Variants in WDPCP observed in about 807,000 individuals in gnomAD.
The protein encoded by WDPCP is WD repeat-containing and planar cell polarity effector protein fritz homolog.
Under a neutral mutation model 93.1 loss-of-function variants are expected in WDPCP, and 71 were observed. The ratio of observed to expected loss-of-function variants is 0.76; its 90% CI spans 0.63 to 0.93. WDPCP has a LOEUF of 0.93. WDPCP is among the 40% of genes least tolerant of loss of function. The pLI, the probability that WDPCP is intolerant of heterozygous loss-of-function variation, is 0.00. For missense variants in WDPCP, 844 were observed against 887.4 expected, an observed-to-expected ratio of 0.95 and a Z score of 0.62; for synonymous variants, 315 against 315.0, an observed-to-expected ratio of 1.00 and a Z score of 0.00.
At chr2:63,638,185 C>G (rs1709940859) in intron 3 of WDPCP, among the ~76,000 whole-genome samples, 1 of 152,096 alleles carries the variant, frequency 6.6e-6, no homozygotes, top group Non-Finnish European at 1.5e-5. Flanking sequence ...GGGTGCAAAC[C>G]TTCAGTAATA....
chr2:63,160,792 G>T (rs980058425), intron 15 of WDPCP, among the ~76,000 whole-genome samples: 1 of 152,126 alleles, frequency 6.6e-6, no homozygotes, highest in African/African-American at 2.4e-5. Flanking sequence ...AAAACATCAG[G>T]TGAAAGGTTG....
chr2:63,624,733 C>A (rs1307850476), intron 3 of WDPCP, among the ~76,000 whole-genome samples: 1 of 152,158 alleles, frequency 6.6e-6, no homozygotes, highest in Admixed American at 6.5e-5. Context: ...GGATTCACAG[C>A]CGAATTCTAC....
chr2:63,448,714 C>T (rs1698030182), intron 6 of WDPCP, among the ~76,000 whole-genome samples: 1 of 152,128 alleles, frequency 6.6e-6, no homozygotes. Context: ...TTTGTGAGAA[C>T]ATGGATGAAC....
At chr2:63,590,462 C>T (rs1254944646), upstream of WDPCP, 1 of 152,182 alleles carries the variant, frequency 6.6e-6, no homozygotes, top group Admixed American at 6.5e-5. Flanking sequence ...TCCCTGAAAA[C>T]TTATTTTTAC....
intron 9 of WDPCP, 40 bp downstream of exon 9, chr2:63,433,705 T>C (rs1458505125): frequency 2.0e-6 from 3 of 1,489,874 alleles, no homozygotes; most frequent in East Asian, 4.8e-5. Flanking sequence ...TCTATTTTAT[T>C]TACACTTTAT....
At chr2:63,235,598 G>C (rs187399725) in intron 14 of WDPCP, among the ~76,000 whole-genome samples, 3 of 151,816 alleles carry the variant, frequency 2.0e-5, no homozygotes, top group Non-Finnish European at 4.4e-5. Context: ...AAAAATCCTC[G>C]ACAAAATTCT....
At chr2:63,340,317 A>C (rs1688747195) in intron 12 of WDPCP, among the ~76,000 whole-genome samples, 1 of 152,138 alleles carries the variant, frequency 6.6e-6, no homozygotes, top group African/African-American at 2.4e-5. Context: ...GCTGGCAAGG[A>C]GTTCCTGTCC....
At position 63,437,495 on chromosome 2, in the gene WDPCP, T is replaced by A. The variant is rs780009570; in HGVS notation, c.559A>T (p.Ile187Phe). 4.4e-6 allele frequency: 7 copies of A among 1,600,300 alleles called. No homozygotes were observed. The African/African-American group carries it at 8.1e-5, about 18-fold the overall frequency. The stretch of plus-strand genomic sequence containing the variant: ...GACTCCATCTTCTTGGTAAACTGAA[T>A]AAAACATAGTTTGTTTTGTGCCAAA... Reference protein sequence around the residue: ...SFLAQNKLCFIQFTKKMESSD... With the variant: ...SFLAQNKLCFFQFTKKMESSD... Residue 187 changes from isoleucine to phenylalanine, a missense_variant, in exon 8 of 18, where the codon ATT becomes TTT. By Grantham distance (21) the Ile-to-Phe change is conservative. Coordinates refer to ENST00000272321, the MANE Select transcript of WDPCP (RefSeq NM_015910.7).
chr2:63,636,342 G>T (rs1709920877), intron 3 of WDPCP, among the ~76,000 whole-genome samples: 1 of 152,122 alleles, frequency 6.6e-6, no homozygotes, highest in Non-Finnish European at 1.5e-5. Context: ...CATAGAAATA[G>T]TAAAAACAAT....
Position 63,756,460 on chromosome 2 carries a change from G to C in WDPCP, n.308+57162C>G, listed in dbSNP as rs142555189. Among the ~76,000 whole-genome samples, 628 of 152,262 alleles carry C rather than the reference G, an allele frequency of 4.1e-3. 3 individuals are homozygous for C. The highest frequency in any genetic ancestry group is 0.014 in the African/African-American group (588 of 41,578). ...GATTATGATCACTCTGTGACATCTTGATTCATGATAAAAAACCAAATATAC... is the reference window on the plus strand; with the variant it reads ...GATTATGATCACTCTGTGACATCTTCATTCATGATAAAAAACCAAATATAC... On this transcript the variant is annotated intron_variant and non_coding_transcript_variant, in intron 2 of 4. Transcript: ENST00000467687.
chr2:63,503,985 C>A (rs920562083), intron 1 of WDPCP, among the ~76,000 whole-genome samples: 2 of 151,546 alleles, frequency 1.3e-5, no homozygotes, highest in African/African-American at 4.8e-5. Context: ...CGCAGCTATA[C>A]CACCTCTACC....
chr2:63,833,530 T>C, the WDPCP span, among the ~76,000 whole-genome samples: 1 of 152,228 alleles, frequency 6.6e-6, no homozygotes, highest in Admixed American at 6.5e-5. Context: ...CAACGAACCC[T>C]TACATGATGG....
intron 3 of WDPCP, among the ~76,000 whole-genome samples, chr2:63,636,806 A>G (rs1709925065): frequency 6.6e-6 from 1 of 152,238 alleles, no homozygotes; most frequent in South Asian, 2.1e-4. Context: ...AAGGGCTTCA[A>G]GAATACACAA....
chr2:63,459,822 C>CAGAAAAAAAGGAAATACATGATGTTCT (rs1698885090), intron 6 of WDPCP, among the ~76,000 whole-genome samples: 1 of 152,014 alleles, frequency 6.6e-6, no homozygotes. Flanking sequence ...GAGGCTGAGG[C>CAGAAAAAAAGGAAATACATGATGTTCT]AAGAGAATGG....
intron 15 of WDPCP, among the ~76,000 whole-genome samples, chr2:63,170,908 C>T (rs1673336259): frequency 6.6e-6 from 1 of 151,786 alleles, no homozygotes; most frequent in South Asian, 2.1e-4. Context: ...CAGAAATAAA[C>T]ACTTAACACC....
At chr2:63,390,618 T>A (rs1199224896) in intron 10 of WDPCP, among the ~76,000 whole-genome samples, 1 of 151,720 alleles carries the variant, frequency 6.6e-6, no homozygotes, top group African/African-American at 2.4e-5. Flanking sequence ...CGGGAGCTGG[T>A]TTTTCAAAAA....
intron 15 of WDPCP, among the ~76,000 whole-genome samples, chr2:63,167,755 C>T (rs1673090577): frequency 6.6e-6 from 1 of 152,112 alleles, no homozygotes; most frequent in Non-Finnish European, 1.5e-5. Context: ...TTCATAATAT[C>T]TACATTATTA....
chr2:63,683,848 CAAA>C (rs1168197474), intron 2 of WDPCP, among the ~76,000 whole-genome samples: 4 of 91,740 alleles, frequency 4.4e-5, no homozygotes, highest in African/African-American at 4.1e-5. Context: ...GACTCCATCT[CAAA>C]AAAAAAAAAA....
chr2:63,780,474 C>G (rs1381815903), intron 2 of WDPCP, among the ~76,000 whole-genome samples: 2 of 152,122 alleles, frequency 1.3e-5, no homozygotes, highest in African/African-American at 4.8e-5. Context: ...AGAAGGATAC[C>G]CTGTTAATGA....
Sources: gnomAD v4.1 joint callset for allele counts (sites outside exome capture counted in the v4.1 genomes callset) on GRCh38, gnomAD v4.1.1 for gene constraint, MANE v1.5 for transcripts, NCBI Gene and HGNC (gene_info 2026-07-23, HGNC 2026-07-21) for gene names.